PRELID2: variants seen among roughly 807,000 people sequenced by gnomAD.
PRELID2 encodes PRELI domain containing 2, also known as PRELI domain-containing protein 2.
Under a neutral mutation model 28.4 loss-of-function variants are expected in PRELID2, and 25 were observed. The observed-to-expected ratio is 0.88, with a 90% confidence interval of 0.64 to 1.23. PRELID2 has a LOEUF of 1.23. Among genes scored for constraint, PRELID2 ranks in the 50% most tolerant of loss-of-function variants. PRELID2 has a pLI of 0.00. For missense variants in PRELID2, 201 were observed against 214.4 expected (o/e 0.94, Z 0.39); for synonymous variants, 76 against 71.6 (o/e 1.06, Z -0.31).
the PRELID2 span, among the ~76,000 whole-genome samples, chr5:145,341,406 A>AT: frequency 9.9e-5 from 15 of 151,976 alleles, 1 homozygote; most frequent in East Asian, 1.4e-3. Context: ...AAAGAGATAG[A>AT]TTTTTTTTCT....
the PRELID2 span, among the ~76,000 whole-genome samples, chr5:145,442,044 G>A: frequency 2.0e-5 from 3 of 152,036 alleles, no homozygotes; most frequent in Non-Finnish European, 1.5e-5. Flanking sequence ...TCCAACAAAG[G>A]AAACAGTGGC....
At chr5:145,824,463 T>TGTGTGTGTGTGTGTGTGAGA (rs373555427) in intron 1 of PRELID2, among the ~76,000 whole-genome samples, 2 of 143,548 alleles carry the variant, frequency 1.4e-5, no homozygotes, top group Non-Finnish European at 3.0e-5. Context: ...TGTGTGTGTG[T>TGTGTGTGTGTGTGTGTGAGA]GATATTGATT....
chr5:145,742,051 TTTA>T (rs1756819480), intron 1 of PRELID2, among the ~76,000 whole-genome samples: 1 of 117,038 alleles, frequency 8.5e-6, no homozygotes, highest in African/African-American at 3.4e-5. Context: ...ATAAATAAAT[TTTA>T]TTAATTTATT....
chr5:145,230,062 T>G, the PRELID2 span: 3 of 672,286 alleles, frequency 4.5e-6, no homozygotes, highest in African/African-American at 5.3e-5. Flanking sequence ...TAGACCCCTG[T>G]ACCATGAGGA....
chr5:145,725,929 T>C (rs1364032624), intron 1 of PRELID2, among the ~76,000 whole-genome samples: 2 of 152,160 alleles, frequency 1.3e-5, no homozygotes, highest in Non-Finnish European at 2.9e-5. Flanking sequence ...ATGCCTGTAA[T>C]TCCAGCACTT....
chr5:145,340,800 T>TATATATATATATATATATATA, the PRELID2 span, among the ~76,000 whole-genome samples: 1 of 135,192 alleles, frequency 7.4e-6, no homozygotes, highest in African/African-American at 2.8e-5. Flanking sequence ...TATATATATA[T>TATATATATATATATATATATA]CCTCCCTATA....
chr5:145,268,959 CTTAAA>C, the PRELID2 span, among the ~76,000 whole-genome samples: 1 of 152,004 alleles, frequency 6.6e-6, no homozygotes, highest in Non-Finnish European at 1.5e-5. Flanking sequence ...ATAAATGTGA[CTTAAA>C]TTAATTTAAC....
At chr5:145,690,756 AG>A (rs1461510014) in intron 1 of PRELID2, among the ~76,000 whole-genome samples, 1 of 152,096 alleles carries the variant, frequency 6.6e-6, no homozygotes. Context: ...AAAAAGATAT[AG>A]CCCCTGTTTC....
At chr5:145,568,800 A>T (rs1229561374) in intron 1 of PRELID2, among the ~76,000 whole-genome samples, 1 of 152,208 alleles carries the variant, frequency 6.6e-6, no homozygotes, top group Non-Finnish European at 1.5e-5. Flanking sequence ...TGCTAGCACA[A>T]TACTACTCTC....
At chr5:145,231,284 G>C in the PRELID2 span, among the ~76,000 whole-genome samples, 1 of 151,880 alleles carries the variant, frequency 6.6e-6, no homozygotes, top group African/African-American at 2.4e-5. Context: ...AGGTTTTGGG[G>C]GAACAGGTGG....
In PRELID2 at chr5:145,742,353, C is replaced by T. The variant is rs570201146; in HGVS notation, n.70+22578G>A. On this transcript the variant is annotated intron_variant and non_coding_transcript_variant, in intron 1 of 2. Transcript: ENST00000510259. The stretch of plus-strand genomic sequence containing the variant: ...ATTTTTTTTTTCTGGCTACATCCTA[C>T]GCCAGAAAACAAAGCTCAACAAATT... Among the ~76,000 whole-genome samples, 306 of 125,498 alleles carry T rather than the reference C, an allele frequency of 2.4e-3. 2 individuals carry two copies. The highest frequency in any genetic ancestry group is 8.1e-3 in the African/African-American group (272 of 33,652). 82.3% of individuals were successfully genotyped at this position (125,498 alleles called of 152,430 possible).
chr5:145,738,642 G>A (rs1315746465), intron 1 of PRELID2, among the ~76,000 whole-genome samples: 1 of 152,068 alleles, frequency 6.6e-6, no homozygotes, highest in African/African-American at 2.4e-5. Flanking sequence ...AAACAAGAGA[G>A]AGAAAATAAA....
chr5:145,318,099 T>C, the PRELID2 span, among the ~76,000 whole-genome samples: 1 of 152,170 alleles, frequency 6.6e-6, no homozygotes, highest in South Asian at 2.1e-4. Context: ...CTCAAATTTA[T>C]AGTACATTTT....
intron 1 of PRELID2, among the ~76,000 whole-genome samples, chr5:145,586,412 G>A (rs760560191): frequency 3.9e-5 from 6 of 152,034 alleles, no homozygotes; most frequent in Non-Finnish European, 7.4e-5. Flanking sequence ...GGAGGCTGAG[G>A]CAGGTGGATC....
chr5:145,502,990 G>A (rs753216252), intron 1 of PRELID2, among the ~76,000 whole-genome samples: 2 of 152,096 alleles, frequency 1.3e-5, no homozygotes, highest in Non-Finnish European at 2.9e-5. Context: ...GAACCACACA[G>A]CATACACTTT....
chr5:145,442,575 C>G, the PRELID2 span, among the ~76,000 whole-genome samples: 1 of 151,892 alleles, frequency 6.6e-6, no homozygotes, highest in South Asian at 2.1e-4. Flanking sequence ...ACTGGATATA[C>G]CAGCATTTAT....
chr5:145,714,885 G>A (rs546808890), intron 1 of PRELID2, among the ~76,000 whole-genome samples: 3 of 151,818 alleles, frequency 2.0e-5, no homozygotes, highest in Non-Finnish European at 4.4e-5. Flanking sequence ...TCTGGGCTCC[G>A]CTACTTATTC....
chr5:145,656,968 TG>T (rs1026604299), intron 1 of PRELID2, among the ~76,000 whole-genome samples: 1 of 152,154 alleles, frequency 6.6e-6, no homozygotes, highest in Non-Finnish European at 1.5e-5. Flanking sequence ...CTATCTCACA[TG>T]TTTATTTGGA....
At chr5:145,297,875 T>G in the PRELID2 span, among the ~76,000 whole-genome samples, 1 of 151,860 alleles carries the variant, frequency 6.6e-6, no homozygotes, top group Admixed American at 6.6e-5. Context: ...CACAATTGCT[T>G]CAAAGAGAAT....
Sources: gnomAD v4.1 joint callset for allele counts (sites outside exome capture counted in the v4.1 genomes callset) on GRCh38, gnomAD v4.1.1 for gene constraint, MANE v1.5 for transcripts, NCBI Gene and HGNC (gene_info 2026-07-23, HGNC 2026-07-21) for gene names.